The following DIAPH2 variants were observed in gnomAD, a reference collection of about 807,000 sequenced individuals.
DIAPH2 encodes the protein diaphanous related formin 2.
Under a neutral mutation model 92.7 loss-of-function variants are expected in DIAPH2, and 35 were observed. The ratio of observed to expected loss-of-function variants is 0.38; its 90% CI spans 0.29 to 0.50. DIAPH2 has a LOEUF of 0.50. Ranked by LOEUF, DIAPH2 falls within the 20% of genes least tolerant of loss-of-function variation. DIAPH2 has a pLI of 0.94. For missense variants in DIAPH2, 701 were observed against 819.5 expected, an observed-to-expected ratio of 0.86 and a Z score of 1.77; for synonymous variants, 301 against 280.4, an observed-to-expected ratio of 1.07 and a Z score of -0.73.
chrX:96,991,353 G>A (rs1439572959), intron 17 of DIAPH2, among the ~76,000 whole-genome samples: 4 of 109,744 alleles, frequency 3.6e-5, no homozygotes, highest in Non-Finnish European at 7.6e-5. Context: ...CCTGACCTCA[G>A]GTGATCCACC....
chrX:97,347,414 T>C (rs1198382457), intron 23 of DIAPH2, among the ~76,000 whole-genome samples: 2 of 110,170 alleles, frequency 1.8e-5, no homozygotes, highest in Non-Finnish European at 3.8e-5. Flanking sequence ...TCTCTACTTA[T>C]ATAGAGATGT....
At chrX:97,129,291 C>T (rs1298104661) in intron 21 of DIAPH2, among the ~76,000 whole-genome samples, 1 of 108,123 alleles carries the variant, frequency 9.2e-6, no homozygotes, top group Non-Finnish European at 1.9e-5. Flanking sequence ...CTCAGCCTCC[C>T]GAGTAGCTGA....
At position 96,886,911 on chromosome X, in the gene DIAPH2, C is replaced by CTT. The variant is rs55653485; in HGVS notation, c.587+5202_587+5203dup. Among the ~76,000 whole-genome samples the CTT allele has an allele frequency of 4.8e-3, 499 of 103,956 alleles. 4 individuals are homozygous for CTT. The highest frequency in any genetic ancestry group is 0.015 in the African/African-American group (424 of 28,291). 90.3% of individuals were successfully genotyped at this position (103,956 alleles called of 115,157 possible). On this transcript the variant is annotated intron_variant, in intron 5 of 26. Transcript: ENST00000324765. ...GAGCATGCGGAGGGGGAAAAAAACT[C>CTT]TTTTTTTTTTGTTTGGGAGGCCAAA... is the stretch of plus-strand genomic sequence containing the variant.
At chrX:97,030,939 A>G (rs2066369356) in intron 17 of DIAPH2, among the ~76,000 whole-genome samples, 1 of 111,989 alleles carries the variant, frequency 8.9e-6, no homozygotes, top group African/African-American at 3.2e-5. Context: ...GCCAATAACT[A>G]TACTTTAGAG....
chrX:96,789,929 G>A (rs2064487165), intron 4 of DIAPH2, among the ~76,000 whole-genome samples: 1 of 111,014 alleles, frequency 9.0e-6, no homozygotes, highest in Non-Finnish European at 1.9e-5. Flanking sequence ...CTTTATTTTG[G>A]TTGGTGGGCT....
intron 26 of DIAPH2, among the ~76,000 whole-genome samples, chrX:97,461,913 A>G (rs920374082): frequency 8.9e-6 from 1 of 111,862 alleles, no homozygotes; most frequent in Non-Finnish European, 1.9e-5. Flanking sequence ...GACTGTAATA[A>G]TACCCTTGGC....
chrX:97,106,117 A>G (rs1420823163), intron 20 of DIAPH2, among the ~76,000 whole-genome samples: 1 of 111,690 alleles, frequency 9.0e-6, no homozygotes, highest in East Asian at 2.8e-4. Context: ...AGAAAATTGT[A>G]AGTCCTCTGT....
intron 17 of DIAPH2, among the ~76,000 whole-genome samples, chrX:96,994,964 A>T (rs972272580): frequency 9.0e-6 from 1 of 111,371 alleles, no homozygotes; most frequent in African/African-American, 3.3e-5. Context: ...AATTACCTGA[A>T]GAAGAACTGT....
chrX:97,535,784 T>A (rs961560850), intron 26 of DIAPH2, among the ~76,000 whole-genome samples: 2 of 112,482 alleles, frequency 1.8e-5, no homozygotes, highest in Admixed American at 9.4e-5. Flanking sequence ...AAAGAATAGA[T>A]CATGCCCAAG....
intron 23 of DIAPH2, among the ~76,000 whole-genome samples, chrX:97,322,375 G>A (rs1006345332): frequency 4.5e-5 from 5 of 111,901 alleles, no homozygotes; most frequent in South Asian, 3.7e-4. Context: ...TATATTTTGC[G>A]AGGTGGAAGA....
At chrX:97,037,533 T>C (rs1362621309) in intron 17 of DIAPH2, among the ~76,000 whole-genome samples, 1 of 111,877 alleles carries the variant, frequency 8.9e-6, no homozygotes, top group Non-Finnish European at 1.9e-5. Context: ...AAAAGGTCTC[T>C]TGAATTTATA....
intron 26 of DIAPH2, among the ~76,000 whole-genome samples, chrX:97,586,087 A>G (rs897219045): frequency 9.0e-6 from 1 of 111,533 alleles, no homozygotes; most frequent in African/African-American, 3.3e-5. Flanking sequence ...TTCCTGAATG[A>G]TGGCTTTGAT....
intron 21 of DIAPH2, 130 bp downstream of exon 21, chrX:97,115,095 G>C: frequency 1.9e-6 from 1 of 539,920 alleles, no homozygotes; most frequent in Middle Eastern, 6.4e-4. Context: ...TCTGGGATGC[G>C]AATTATATCT....
chrX:97,074,132 C>T (rs1035026439), intron 18 of DIAPH2, among the ~76,000 whole-genome samples: 1 of 111,885 alleles, frequency 8.9e-6, no homozygotes, highest in East Asian at 2.8e-4. Context: ...GCGTGCCGGG[C>T]GCGGTGGCTC....
At chrX:97,029,378 G>A (rs2066357620) in intron 17 of DIAPH2, among the ~76,000 whole-genome samples, 1 of 110,071 alleles carries the variant, frequency 9.1e-6, no homozygotes, top group Non-Finnish European at 1.9e-5. Flanking sequence ...CAATTCCTGG[G>A]CTCAAGCTAT....
chrX:97,266,899 G>T (rs757087259), intron 23 of DIAPH2, among the ~76,000 whole-genome samples: 1 of 111,437 alleles, frequency 9.0e-6, no homozygotes, highest in East Asian at 2.8e-4. Context: ...TCAAAACAGG[G>T]TACATGAAAT....
rs143577335 is a variant in DIAPH2, at chrX:96,729,680, T to C, written c.133-6078T>C. 6.2e-3 allele frequency among the ~76,000 whole-genome samples: 692 copies of C among 112,471 alleles called. 11 individuals are homozygous for C. Among genetic ancestry groups the C allele is most frequent in the African/African-American group, 0.021 (651 of 30,993 alleles). On this transcript the variant is annotated intron_variant, in intron 1 of 26. Coordinates refer to ENST00000324765, the MANE Select transcript of DIAPH2 (RefSeq NM_006729.5). The stretch of plus-strand genomic sequence containing the variant: ...ATATTTGTTCTCTTATAGATAAATA[T>C]TTTGTTCTTTATAAATTGAAAGAGC...
chrX:96,696,261 A>T (rs1252523940), intron 1 of DIAPH2, among the ~76,000 whole-genome samples: 2 of 111,598 alleles, frequency 1.8e-5, no homozygotes, highest in Admixed American at 1.9e-4. Context: ...AGAAAAGAAA[A>T]ATTTTAAAAA....
intron 26 of DIAPH2, among the ~76,000 whole-genome samples, chrX:97,583,037 G>GCACTT (rs905438535): frequency 2.7e-5 from 3 of 111,436 alleles, no homozygotes; most frequent in Non-Finnish European, 3.8e-5. Context: ...GCTCCTTTAA[G>GCACTT]CACTTCTCTG....
Sources: allele counts gnomAD v4.1 joint callset (sites outside exome capture counted in the v4.1 genomes callset), GRCh38; gene constraint gnomAD v4.1.1; transcripts MANE v1.5; gene names NCBI Gene and HGNC (gene_info 2026-07-23, HGNC 2026-07-21).